The following ANXA8 variants were observed in gnomAD, a reference collection of about 807,000 sequenced individuals.
ANXA8 encodes the protein VAC-beta.
ANXA8 carries 9 observed loss-of-function variants against 26.8 expected under a neutral mutation model. That is an observed-to-expected ratio of 0.34 (90% confidence interval 0.20 to 0.59). ANXA8 has a LOEUF of 0.59. Among genes scored for constraint, ANXA8 ranks in the 20% least tolerant of loss-of-function variants. ANXA8 has a pLI of 0.84. For synonymous variants in ANXA8, 39 were observed against 94.8 expected (o/e 0.41, Z 3.42); for missense variants, 83 against 238.5 (o/e 0.35, Z 4.29).
chr10:47,982,800 T>TAATATATATATA, the ANXA8 span, among the ~76,000 whole-genome samples: 1 of 11,298 alleles, frequency 8.9e-5, no homozygotes, highest in Non-Finnish European at 1.9e-4. Context: ...TATTTGCAAA[T>TAATATATATATA]CATATATATA....
At chr10:47,735,077 C>T in the ANXA8 span, among the ~76,000 whole-genome samples, 2 of 150,090 alleles carry the variant, frequency 1.3e-5, no homozygotes, top group African/African-American at 4.9e-5. Context: ...AACAAAAACG[C>T]ATGTTCCTTG....
the ANXA8 span, among the ~76,000 whole-genome samples, chr10:47,694,547 A>T: frequency 0.023 from 3,544 of 150,868 alleles, 99 homozygotes; most frequent in African/African-American, 0.081. Flanking sequence ...CGGCCTCCCA[A>T]GTAGCTGGGA....
chr10:47,657,187 C>T, the ANXA8 span, among the ~76,000 whole-genome samples: 1 of 151,714 alleles, frequency 6.6e-6, no homozygotes, highest in East Asian at 1.9e-4. Flanking sequence ...ATCCAAATAG[C>T]TATTTCACTT....
chr10:47,960,283 A>G, the ANXA8 span, among the ~76,000 whole-genome samples: 1 of 146,954 alleles, frequency 6.8e-6, no homozygotes, highest in South Asian at 2.2e-4. Flanking sequence ...CAAAATAGGA[A>G]TCTGCACCTT....
chr10:47,595,321 A>C, the ANXA8 span, among the ~76,000 whole-genome samples: 1 of 146,382 alleles, frequency 6.8e-6, no homozygotes, highest in Non-Finnish European at 1.5e-5. Flanking sequence ...TTAAGTACAT[A>C]GTCCACAGAC....
At chr10:47,598,909 T>C in the ANXA8 span, among the ~76,000 whole-genome samples, 1 of 70,236 alleles carries the variant, frequency 1.4e-5, no homozygotes, top group African/African-American at 3.5e-5. Flanking sequence ...AATAATCAAA[T>C]AAAATGATTT....
the ANXA8 span, among the ~76,000 whole-genome samples, chr10:47,586,730 C>T: frequency 2.1e-5 from 3 of 145,984 alleles, no homozygotes; most frequent in African/African-American, 8.4e-5. Flanking sequence ...CTAAGCCCTA[C>T]TTGCCTGACA....
chr10:47,565,024 T>C, the ANXA8 span: 5 of 837,852 alleles, frequency 6.0e-6, no homozygotes, highest in Non-Finnish European at 1.1e-5. Flanking sequence ...GCTGTGCCAC[T>C]ATCGCCATCG....
At chr10:47,630,494 G>C in the ANXA8 span, among the ~76,000 whole-genome samples, 1 of 149,184 alleles carries the variant, frequency 6.7e-6, no homozygotes, top group Non-Finnish European at 1.5e-5. Flanking sequence ...TTTCAACTAA[G>C]AAAAAAGTAA....
chr10:47,528,812 T>C, the ANXA8 span, among the ~76,000 whole-genome samples: 74 of 133,308 alleles, frequency 5.6e-4, no homozygotes, highest in East Asian at 4.8e-3. Flanking sequence ...GTGGAAAAAA[T>C]TTAAGTAACC....
chr10:47,744,423 T>TGGGGGGGGAGGGGGGAAGGGGGGGGA, the ANXA8 span, among the ~76,000 whole-genome samples: 1 of 6,438 alleles, frequency 1.6e-4, no homozygotes, highest in Non-Finnish European at 2.7e-4. Flanking sequence ...GGGGGGGGGT[T>TGGGGGGGGAGGGGGGAAGGGGGGGGA]GGGGGGGAGG....
chr10:47,502,595 G>A, the ANXA8 span: 150 of 1,572,056 alleles, frequency 9.5e-5, 15 homozygotes, highest in African/African-American at 6.4e-4. Flanking sequence ...CGGGAAAGGC[G>A]GGTGCCAAAA....
the ANXA8 span, chr10:47,689,720 C>T: frequency 6.6e-7 from 1 of 1,515,070 alleles, no homozygotes; most frequent in Non-Finnish European, 8.9e-7. Context: ...AGTGGAGGAT[C>T]TCAAGTCCAC....
At chr10:47,755,257 C>T in the ANXA8 span, among the ~76,000 whole-genome samples, 44 of 149,550 alleles carry the variant, frequency 2.9e-4, no homozygotes, top group East Asian at 8.1e-3. Flanking sequence ...ACCCAGCCAA[C>T]CTCTTTTTTT....
At chr10:47,944,692 A>G in the ANXA8 span, among the ~76,000 whole-genome samples, 1 of 150,616 alleles carries the variant, frequency 6.6e-6, no homozygotes, top group Non-Finnish European at 1.5e-5. Context: ...GCCTGCCACC[A>G]TGTAGGATGT....
chr10:47,711,062 C>T, the ANXA8 span, among the ~76,000 whole-genome samples: 2 of 149,622 alleles, frequency 1.3e-5, no homozygotes, highest in Admixed American at 6.6e-5. Context: ...CCAGAGTACT[C>T]TGATAAATAA....
At chr10:47,957,385 G>A in the ANXA8 span, among the ~76,000 whole-genome samples, 1 of 150,486 alleles carries the variant, frequency 6.6e-6, no homozygotes, top group African/African-American at 2.5e-5. Flanking sequence ...TTTCATTCCT[G>A]TCAATCTCCT....
the ANXA8 span, chr10:47,565,738 A>G: frequency 8.3e-5 from 46 of 557,554 alleles, 1 homozygote; most frequent in Non-Finnish European, 1.1e-4. Context: ...GAGGGCGTGC[A>G]AGGGCCGGGC....
At chr10:47,771,575 TTTG>T in the ANXA8 span, among the ~76,000 whole-genome samples, 5 of 149,986 alleles carry the variant, frequency 3.3e-5, no homozygotes, top group South Asian at 2.1e-4. Flanking sequence ...GCAGGTTTTT[TTTG>T]TTGTTGTTGT....
Sources: gnomAD v4.1 joint callset for allele counts (sites outside exome capture counted in the v4.1 genomes callset) on GRCh38, gnomAD v4.1.1 for gene constraint, MANE v1.5 for transcripts, NCBI Gene and HGNC (gene_info 2026-07-23, HGNC 2026-07-21) for gene names.